FAM228B: variants seen among roughly 807,000 people sequenced by gnomAD.
FAM228B encodes family with sequence similarity 228 member B, also known as protein FAM228B.
Under a neutral mutation model 42.6 loss-of-function variants are expected in FAM228B, and 38 were observed. That is an observed-to-expected ratio of 0.89 (90% CI 0.69 to 1.17). The LOEUF (loss-of-function observed/expected upper bound fraction) is 1.17. Ranked by LOEUF, FAM228B falls within the 50% of genes most tolerant of loss-of-function variation. FAM228B has a pLI of 0.00. For missense variants in FAM228B, 344 were observed against 367.3 expected, an observed-to-expected ratio of 0.94 and a Z score of 0.52; for synonymous variants, 109 against 122.3, an observed-to-expected ratio of 0.89 and a Z score of 0.72.
At chr2:24,127,318 A>G (rs1666339299) in intron 2 of FAM228B, among the ~76,000 whole-genome samples, 2 of 152,220 alleles carry the variant, frequency 1.3e-5, no homozygotes, top group Non-Finnish European at 2.9e-5. Flanking sequence ...TTGTCTCAGT[A>G]TCACATTTTG....
intron 2 of FAM228B, among the ~76,000 whole-genome samples, chr2:24,082,036 C>G (rs903331893): frequency 6.6e-6 from 1 of 152,128 alleles, no homozygotes; most frequent in African/African-American, 2.4e-5. Context: ...ACTCTACTGC[C>G]CAGGCTGGAG....
intron 3 of FAM228B, among the ~76,000 whole-genome samples, chr2:24,136,053 C>T (rs368368557): frequency 0.023 from 823 of 35,260 alleles, no homozygotes; most frequent in Middle Eastern, 0.056. Flanking sequence ...GATAACCCTT[C>T]TTTTTTTTTT....
intron 7 of FAM228B, among the ~76,000 whole-genome samples, chr2:24,155,519 A>G (rs1231644861): frequency 7.5e-4 from 15 of 19,944 alleles, no homozygotes; most frequent in Admixed American, 1.9e-3. Flanking sequence ...ATATATATAT[A>G]TATATATATA....
intron 5 of FAM228B, chr2:24,142,541 A>G (rs1454155635): frequency 6.6e-6 from 1 of 152,208 alleles, no homozygotes; most frequent in Non-Finnish European, 1.5e-5. Context: ...TCTGCTGCAT[A>G]CTGAAATATG....
At position 24,077,462 on chromosome 2, in the gene FAM228B, A is replaced by G; in HGVS notation, c.-290+493A>G. On this transcript the variant is annotated intron_variant, in intron 1 of 10. Coordinates refer to the FAM228B transcript ENST00000613899. The surrounding 1 kb of genome is among the most constrained non-coding windows in gnomAD (Gnocchi z 5.5). ...AGTTCACTCTTTATTTCCTCATATC[A>G]GCTTTAAACGGCTCTGGAGGAAGCA... 1 of 1,219,446 alleles carries G rather than the reference A, an allele frequency of 8.2e-7. No homozygotes were observed. The highest frequency in any genetic ancestry group is 1.1e-6 in the Non-Finnish European group (1 of 910,082). 75.5% of individuals were successfully genotyped at this position (1,219,446 alleles called of 1,614,324 possible).
In FAM228B at chr2:24,163,218, T is replaced by C. The variant is rs528658250; in HGVS notation, c.795-980T>C. On this transcript the variant is annotated intron_variant, in intron 8 of 10. Transcript: ENST00000615575. ...GAAGTAAGCTGCAGTAGTTTCCTTTTCCTGAACAGGTTCAGAATTTGTTGA... is the reference window on the plus strand; with the variant it reads ...GAAGTAAGCTGCAGTAGTTTCCTTTCCCTGAACAGGTTCAGAATTTGTTGA... Among the ~76,000 whole-genome samples the C allele has an allele frequency of 6.5e-4, 99 of 152,316 alleles. 2 individuals carry two copies. The South Asian group carries it at 0.02, about 31-fold the overall frequency.
In FAM228B at chr2:24,079,598, T is replaced by A; in HGVS notation, c.-289-1278T>A. The A allele has an allele frequency of 2.5e-6, 4 of 1,614,058 alleles. No homozygotes were observed. In the South Asian group the frequency reaches 3.3e-5, roughly 13 times the overall value. On this transcript the variant is annotated intron_variant, in intron 1 of 10. Coordinates refer to the FAM228B transcript ENST00000613899. The stretch of plus-strand genomic sequence containing the variant: ...CAGGCAGTTGACGTTCTTCTCCCAG[T>A]AGGATCCGCCTATGCAGTCTAGAAT...
intron 3 of FAM228B, among the ~76,000 whole-genome samples, chr2:24,107,577 C>T (rs1449509602): frequency 6.6e-6 from 1 of 152,180 alleles, no homozygotes; most frequent in East Asian, 1.9e-4. Context: ...ATACCAACCA[C>T]ATTCTCAGAC....
chr2:24,158,221 A>ATTTTT (rs1667203237), intron 7 of FAM228B, among the ~76,000 whole-genome samples: 2 of 6,286 alleles, frequency 3.2e-4, no homozygotes, highest in East Asian at 2.5e-3. Context: ...TTTCCAAAAC[A>ATTTTT]TTGTTCCCAA....
chr2:24,147,248 A>G (rs1666918192), intron 7 of FAM228B, among the ~76,000 whole-genome samples, 162 bp downstream of exon 7: 1 of 152,038 alleles, frequency 6.6e-6, no homozygotes, highest in South Asian at 2.1e-4. Context: ...TGAAAAATCC[A>G]TAATTCTTAT....
chr2:24,104,416 T>C (rs1665666516), intron 3 of FAM228B, among the ~76,000 whole-genome samples: 1 of 152,224 alleles, frequency 6.6e-6, no homozygotes, highest in Non-Finnish European at 1.5e-5. Flanking sequence ...GCAGTTGCCA[T>C]GCATGGGAGC....
chr2:24,077,600 G>C lies in FAM228B; in HGVS notation c.-290+631G>C, dbSNP rs758258385. 2 of 1,608,382 alleles carry C rather than the reference G, an allele frequency of 1.2e-6. No homozygotes were observed. The highest frequency in any genetic ancestry group is 1.1e-5 in the South Asian group (1 of 90,948). On this transcript the variant is annotated intron_variant, in intron 1 of 10. Transcript: ENST00000613899. This position sits in a 1 kb window ranked among gnomAD's most constrained non-coding sequence, Gnocchi z 5.5. ...TCCTTCACTGGGGCAGTTCCAGGACGATCTTGCCTATGTTCTTGTTGGCCT... is the reference window on the plus strand; with the variant it reads ...TCCTTCACTGGGGCAGTTCCAGGACCATCTTGCCTATGTTCTTGTTGGCCT...
At chr2:24,157,493 T>G (rs936191708) in intron 7 of FAM228B, among the ~76,000 whole-genome samples, 1 of 151,866 alleles carries the variant, frequency 6.6e-6, no homozygotes, top group Non-Finnish European at 1.5e-5. Context: ...ATCCCAGCAC[T>G]CTGGGAGGCT....
intron 2 of FAM228B, chr2:24,082,749 C>T: frequency 8.1e-7 from 1 of 1,236,318 alleles, no homozygotes; most frequent in African/African-American, 1.5e-5. Flanking sequence ...ACCCTTCTAA[C>T]ATGGTTTGAG....
chr2:24,108,799 G>T (rs1665741442), intron 3 of FAM228B, among the ~76,000 whole-genome samples: 1 of 151,786 alleles, frequency 6.6e-6, no homozygotes, highest in Non-Finnish European at 1.5e-5. Flanking sequence ...CACTTGGAAG[G>T]CTGAGGCAGG....
chr2:24,144,291 C>T (rs1381667391), intron 5 of FAM228B, among the ~76,000 whole-genome samples: 1 of 151,780 alleles, frequency 6.6e-6, no homozygotes, highest in Non-Finnish European at 1.5e-5. Flanking sequence ...AAATTAAAAA[C>T]TAGCTGGACA....
chr2:24,138,085 A>C lies in FAM228B; in HGVS notation c.345A>C (p.Lys115Asn). Residue 115 changes from lysine (K) to asparagine (N), a missense_variant, in exon 4 of 11, where the codon AAA (lysine) becomes AAC (asparagine). Coordinates refer to ENST00000615575, the MANE Select transcript of FAM228B (RefSeq NM_001145710.2). Reference sequence around the variant, plus strand: ...AAGGGGAATTAGATGGCTTTTTAAAACATGTAAATAAAAAGGTACTAAGAG... The same window carrying C: ...AAGGGGAATTAGATGGCTTTTTAAACCATGTAAATAAAAAGGTACTAAGAG... The part of the protein sequence containing the change: ...RRQGELDGFL[K>N]HVNKKGNAFI... The C allele has an allele frequency of 1.3e-6, 2 of 1,531,954 alleles. No homozygotes were observed. The highest frequency in any genetic ancestry group is 1.8e-6 in the Non-Finnish European group (2 of 1,142,040). 94.9% of individuals were successfully genotyped at this position (1,531,954 alleles called of 1,614,324 possible). A position where few individuals can be genotyped will look rare whatever the true frequency, so the allele number is the denominator to read the frequency against.
At chr2:24,105,254 T>A (rs550785754) in intron 3 of FAM228B, among the ~76,000 whole-genome samples, 21 of 152,330 alleles carry the variant, frequency 1.4e-4, no homozygotes, top group Admixed American at 1.2e-3. Context: ...CTGCCACCTG[T>A]GGCCCTTGCC....
At chr2:24,117,818 A>C (rs554565648) in intron 3 of FAM228B, among the ~76,000 whole-genome samples, 1 of 152,268 alleles carries the variant, frequency 6.6e-6, no homozygotes, top group South Asian at 2.1e-4. Flanking sequence ...TTTTTTTAAA[A>C]AGGAGTAAAG....
Sources: gnomAD v4.1 joint callset for allele counts (sites outside exome capture counted in the v4.1 genomes callset) on GRCh38, gnomAD v4.1.1 for gene constraint, Gnocchi (gnomAD v3.1) non-coding constraint, MANE v1.5 for transcripts, NCBI Gene and HGNC (gene_info 2026-07-23, HGNC 2026-07-21) for gene names.